The following MYLK variants were observed in gnomAD, a reference collection of about 807,000 sequenced individuals.
MYLK encodes the protein myosin light chain kinase.
MYLK carries 106 observed loss-of-function variants against 203.4 expected under a neutral mutation model. That is an observed-to-expected ratio of 0.52 (90% confidence interval 0.45 to 0.61). MYLK has a LOEUF of 0.61. MYLK is among the 20% of genes least tolerant of loss of function. The pLI is 0.00. For missense variants in MYLK, 2,072 were observed against 2,442.3 expected (o/e 0.85, Z 3.20); for synonymous variants, 867 against 959.5 (o/e 0.90, Z 1.78).
intron 33 of MYLK, chr3:123,618,202 A>G (rs2057624450): frequency 4.4e-6 from 1 of 227,556 alleles, no homozygotes; most frequent in South Asian, 6.3e-5. Context: ...ATCCAAGGTC[A>G]CACAGCCTGT....
intron 2 of MYLK, among the ~76,000 whole-genome samples, chr3:123,840,101 T>C (rs2066556152): frequency 6.6e-6 from 1 of 152,002 alleles, no homozygotes; most frequent in African/African-American, 2.4e-5. Flanking sequence ...AGAAGGAAAG[T>C]ATTAACTCAG....
rs77323602 is a variant in MYLK, at chr3:123,732,896, T to C, written c.1516A>G (p.Arg506Gly). 7.4e-4 allele frequency: 1,200 copies of C among 1,613,504 alleles called. 16 individuals carry two copies. The African/African-American group carries it at 0.014, about 18-fold the overall frequency. The change falls in exon 11 of 34, where the codon AGG (arginine) becomes GGG (glycine). Residue 506 changes from arginine to glycine, a missense_variant and splice_region_variant. Arg to Gly is a moderately radical substitution (Grantham distance 125). Coordinates refer to ENST00000360304, the MANE Select transcript of MYLK (RefSeq NM_053025.4). ...LSCSWTLQVE[R>G]LAVMEVAPSF... ...GGGTGACCTGGAGAAGTGTACTCAC[T>C]TTCCACTTGGAGGGTCCAGCTACAG...
At chr3:123,801,278 G>A (rs1469015046) in intron 3 of MYLK, among the ~76,000 whole-genome samples, 3 of 152,144 alleles carry the variant, frequency 2.0e-5, no homozygotes, top group African/African-American at 7.2e-5. Context: ...GGGACATCCA[G>A]GGCACATTTT....
At chr3:123,644,687 C>T (rs1339580347) in intron 27 of MYLK, 1 of 152,172 alleles carries the variant, frequency 6.6e-6, no homozygotes, top group Non-Finnish European at 1.5e-5. Flanking sequence ...GACTAAGCAA[C>T]CTGTTCTAGA....
intron 23 of MYLK, among the ~76,000 whole-genome samples, chr3:123,661,241 G>T (rs2059552427): frequency 6.6e-6 from 1 of 152,194 alleles, no homozygotes; most frequent in South Asian, 2.1e-4. Context: ...GGGGCTGGGG[G>T]GAGGGAGAGC....
intron 16 of MYLK, among the ~76,000 whole-genome samples, chr3:123,701,931 G>C (rs2061248272): frequency 6.6e-6 from 1 of 152,224 alleles, no homozygotes; most frequent in South Asian, 2.1e-4. Context: ...CCTTGACTCT[G>C]ACTCCATGAT....
At chr3:123,706,696 G>T (rs145313553) in intron 16 of MYLK, among the ~76,000 whole-genome samples, 1 of 151,798 alleles carries the variant, frequency 6.6e-6, no homozygotes, top group Non-Finnish European at 1.5e-5. Flanking sequence ...ACCCAATGTC[G>T]ACTATGGGCT....
At chr3:123,772,763 T>C (rs1185969561) in intron 4 of MYLK, among the ~76,000 whole-genome samples, 2 of 151,968 alleles carry the variant, frequency 1.3e-5, no homozygotes, top group Non-Finnish European at 2.9e-5. Flanking sequence ...TATAAAAATG[T>C]TTAAAATTAA....
At chr3:123,699,012 C>T (rs1347527528) in intron 18 of MYLK, 1 of 152,332 alleles carries the variant, frequency 6.6e-6, no homozygotes, top group Non-Finnish European at 1.5e-5. Context: ...CTGTGGCTGC[C>T]CTCTGCCCCT....
intron 4 of MYLK, among the ~76,000 whole-genome samples, chr3:123,754,548 C>A (rs1576856334): frequency 6.6e-6 from 1 of 152,210 alleles, no homozygotes; most frequent in Admixed American, 6.5e-5. Flanking sequence ...ATTGTAGCCT[C>A]ACCAAAACAA....
chr3:123,764,743 G>A (rs913464648), intron 4 of MYLK, among the ~76,000 whole-genome samples: 23 of 152,290 alleles, frequency 1.5e-4, no homozygotes, highest in African/African-American at 5.3e-4. Context: ...ACTACAGCGG[G>A]GAACCGGGGC....
intron 6 of MYLK, 113 bp downstream of exon 6, chr3:123,739,840 C>T (rs562593558): frequency 2.6e-6 from 3 of 1,165,364 alleles, no homozygotes; most frequent in East Asian, 2.4e-5. Context: ...TAGGCTCCCG[C>T]CCTTTGGTTA....
At chr3:123,685,124 T>A (rs1462959587) in intron 19 of MYLK, among the ~76,000 whole-genome samples, 2 of 152,112 alleles carry the variant, frequency 1.3e-5, no homozygotes, top group Non-Finnish European at 2.9e-5. Flanking sequence ...GCCAAGAGAG[T>A]ACAGCTCTAG....
At chr3:123,676,525 C>G (rs778574617) in intron 20 of MYLK, among the ~76,000 whole-genome samples, 2 of 152,208 alleles carry the variant, frequency 1.3e-5, no homozygotes, top group African/African-American at 2.4e-5. Context: ...TTCAAATTGA[C>G]ACAACTTTCC....
chr3:123,725,408 A>G (rs1055908933), intron 12 of MYLK, among the ~76,000 whole-genome samples: 1 of 152,240 alleles, frequency 6.6e-6, no homozygotes, highest in Non-Finnish European at 1.5e-5. Flanking sequence ...TACTTGACAA[A>G]AAAAAGAGTT....
chr3:123,666,240 G>A lies in MYLK; in HGVS notation c.3810C>T (p.Thr1270=), dbSNP rs781166910. The A allele has an allele frequency of 1.2e-6, 2 of 1,614,208 alleles. No homozygotes were observed. Among genetic ancestry groups the A allele is most frequent in the Middle Eastern group, 1.6e-4 (1 of 6,062 alleles). The part of the protein sequence containing the change: ...KVTGTQPITC[T]WMKFRKQIQE... Reference sequence around the variant, plus strand: ...TGACCTGCTTTCGGAACTTCATCCAGGTACAGGTGATGGGCTGAGTGCCTG... The same window carrying A: ...TGACCTGCTTTCGGAACTTCATCCAAGTACAGGTGATGGGCTGAGTGCCTG... The change falls in exon 22 of 34, where the codon ACC becomes ACT. Residue 1270 remains threonine (T), a synonymous_variant. Transcript: ENST00000360304.
chr3:123,811,328 C>G (rs927947303), intron 3 of MYLK, among the ~76,000 whole-genome samples: 1 of 152,210 alleles, frequency 6.6e-6, no homozygotes, highest in Non-Finnish European at 1.5e-5. Flanking sequence ...ATCAATGGAC[C>G]ACCATCAGCT....
At chr3:123,615,187 G>C (rs570220789) in intron 33 of MYLK, among the ~76,000 whole-genome samples, 1 of 151,590 alleles carries the variant, frequency 6.6e-6, no homozygotes, top group South Asian at 2.1e-4. Context: ...AGCACTTTGG[G>C]AGGCCAAGGT....
At chr3:123,764,116 C>T (rs1265534413) in intron 4 of MYLK, among the ~76,000 whole-genome samples, 1 of 152,142 alleles carries the variant, frequency 6.6e-6, no homozygotes, top group African/African-American at 2.4e-5. Context: ...TTTGAATTGT[C>T]TTCTCTTCTT....
Sources: allele counts gnomAD v4.1 joint callset (sites outside exome capture counted in the v4.1 genomes callset), GRCh38; gene constraint gnomAD v4.1.1; transcripts MANE v1.5; gene names NCBI Gene and HGNC (gene_info 2026-07-23, HGNC 2026-07-21).